GLCE: variants seen among roughly 807,000 people sequenced by gnomAD.
GLCE encodes the protein D-glucuronyl C5-epimerase.
In GLCE, 19 loss-of-function variants were observed where a neutral mutation model predicts 47.9. The ratio of observed to expected loss-of-function variants is 0.40; its 90% CI spans 0.28 to 0.58. The LOEUF is 0.58. GLCE is among the 20% of genes least tolerant of loss of function. The pLI is 0.48. For synonymous variants in GLCE, 245 were observed against 263.4 expected (o/e 0.93, Z 0.68); for missense variants, 556 against 743.3 (o/e 0.75, Z 2.93).
chr15:69,189,728 A>G (rs972723134), intron 1 of GLCE, among the ~76,000 whole-genome samples: 7 of 151,886 alleles, frequency 4.6e-5, no homozygotes, highest in Non-Finnish European at 8.8e-5. Flanking sequence ...CTGCTCATCT[A>G]TCTTTTCTTT....
At chr15:69,164,490 A>G (rs2051473750) in intron 1 of GLCE, among the ~76,000 whole-genome samples, 2 of 150,368 alleles carry the variant, frequency 1.3e-5, no homozygotes, top group Non-Finnish European at 3.0e-5. Flanking sequence ...GCTTTAATAT[A>G]TACATATATG....
chr15:69,250,075 T>G (rs2052816417), intron 2 of GLCE, among the ~76,000 whole-genome samples: 1 of 152,196 alleles, frequency 6.6e-6, no homozygotes, highest in Admixed American at 6.5e-5. Flanking sequence ...TTTCAAGATT[T>G]TTTTTTAATT....
intron 1 of GLCE, among the ~76,000 whole-genome samples, chr15:69,182,084 AAGTG>A (rs988451262): frequency 1.3e-5 from 2 of 151,934 alleles, no homozygotes; most frequent in African/African-American, 4.8e-5. Flanking sequence ...CATAAGATAA[AAGTG>A]AGGATGAGAG....
chr15:69,250,770 A>G (rs1234080542), intron 2 of GLCE, among the ~76,000 whole-genome samples: 6 of 150,364 alleles, frequency 4.0e-5, no homozygotes, highest in Non-Finnish European at 8.9e-5. Flanking sequence ...AGTCCCAAGT[A>G]GCTGGGACTG....
chr15:69,211,953 G>A (rs1214729547), intron 2 of GLCE, among the ~76,000 whole-genome samples: 1 of 151,972 alleles, frequency 6.6e-6, no homozygotes, highest in Non-Finnish European at 1.5e-5. Context: ...TTTTAAAGGA[G>A]GGAATCTGGA....
intron 2 of GLCE, among the ~76,000 whole-genome samples, chr15:69,217,960 C>T (rs974242166): frequency 6.6e-6 from 1 of 150,748 alleles, no homozygotes; most frequent in Non-Finnish European, 1.5e-5. Flanking sequence ...TCGAGACCAA[C>T]CTGGCCAACA....
Position 69,268,820 on chromosome 15 carries a change from A to G in GLCE, c.1430A>G (p.Tyr477Cys), listed in dbSNP as rs1197981043. Residue 477 changes from tyrosine to cysteine, a missense_variant, in exon 5 of 5, where the codon TAT (tyrosine) becomes TGT (cysteine). Physicochemically the swap from Tyr to Cys is radical, Grantham distance 194. This residue lies in a region of GLCE where 245 missense variants were observed against 368.1 expected (regional missense o/e 0.67). Coordinates refer to ENST00000261858, the MANE Select transcript of GLCE (RefSeq NM_015554.3). Reference sequence around the variant, plus strand: ...TCAGCTTTAAGGGCAACAGCCCCTTATAAGTTTCTATCTGAGCAGCATGGA... The same window carrying G: ...TCAGCTTTAAGGGCAACAGCCCCTTGTAAGTTTCTATCTGAGCAGCATGGA... ...LNSALRATAP[Y>C]KFLSEQHGVK... is the part of the protein sequence containing the mutation. The G allele has an allele frequency of 4.3e-6, 7 of 1,614,094 alleles. No individual in the cohort carries two copies. Among genetic ancestry groups the G allele is most frequent in the African/African-American group, 1.3e-5 (1 of 74,942 alleles).
At chr15:69,230,214 A>T (rs1366303855) in intron 2 of GLCE, among the ~76,000 whole-genome samples, 4 of 15,884 alleles carry the variant, frequency 2.5e-4, no homozygotes, top group East Asian at 2.8e-3. Flanking sequence ...TCTCGATTTA[A>T]AAAAAAAAAA....
Position 69,191,509 on chromosome 15 carries a change from A to C in GLCE, c.-104-18807A>C, listed in dbSNP as rs573999336. Among the ~76,000 whole-genome samples the C allele has an allele frequency of 2.2e-4, 34 of 152,316 alleles. 1 individual carries two copies. In the South Asian group the frequency reaches 6.4e-3, roughly 29 times the overall value. On this transcript the variant is annotated intron_variant, in intron 1 of 4. Coordinates refer to ENST00000261858, the MANE Select transcript of GLCE (RefSeq NM_015554.3). ...ACACGAATCTTCTCCCAGTGGAATC[A>C]TGCAGGATACATTTAATTTAACAAT...
At chr15:69,172,922 G>A (rs2051609541) in intron 1 of GLCE, among the ~76,000 whole-genome samples, 1 of 152,224 alleles carries the variant, frequency 6.6e-6, no homozygotes, top group African/African-American at 2.4e-5. Flanking sequence ...TATATTTGGT[G>A]TGTAAATATT....
chr15:69,209,530 A>G (rs1033859250), intron 1 of GLCE, among the ~76,000 whole-genome samples: 1 of 152,070 alleles, frequency 6.6e-6, no homozygotes, highest in Non-Finnish European at 1.5e-5. Flanking sequence ...TGTACCACCC[A>G]TTGCCAGTCT....
chr15:69,205,562 T>G (rs964364312), intron 1 of GLCE, among the ~76,000 whole-genome samples: 1 of 152,122 alleles, frequency 6.6e-6, no homozygotes, highest in Non-Finnish European at 1.5e-5. Flanking sequence ...GTCAAGAAAT[T>G]GACAAACTGT....
At chr15:69,176,552 A>T (rs1024813748) in intron 1 of GLCE, among the ~76,000 whole-genome samples, 5 of 152,028 alleles carry the variant, frequency 3.3e-5, no homozygotes, top group African/African-American at 1.2e-4. Context: ...TTCCTCAAAC[A>T]TCTATATGGC....
At chr15:69,171,221 GAC>G (rs2051583309) in intron 1 of GLCE, among the ~76,000 whole-genome samples, 1 of 151,718 alleles carries the variant, frequency 6.6e-6, no homozygotes, top group Non-Finnish European at 1.5e-5. Context: ...AATATTTTAA[GAC>G]AGTTTTTCAT....
intron 1 of GLCE, among the ~76,000 whole-genome samples, chr15:69,178,701 T>G (rs574635007): frequency 6.6e-6 from 1 of 152,168 alleles, no homozygotes; most frequent in African/African-American, 2.4e-5. Flanking sequence ...ATCACTGTTA[T>G]ATACTGTAGG....
At chr15:69,193,406 A>G (rs1429188644) in intron 1 of GLCE, among the ~76,000 whole-genome samples, 1 of 152,086 alleles carries the variant, frequency 6.6e-6, no homozygotes, top group South Asian at 2.1e-4. Context: ...TAAACATTGC[A>G]TACTTTTCCA....
chr15:69,248,741 C>G (rs1437249738), intron 2 of GLCE, among the ~76,000 whole-genome samples: 1 of 152,114 alleles, frequency 6.6e-6, no homozygotes, highest in East Asian at 1.9e-4. Context: ...GCTGGGACAA[C>G]AGGTGCGCAC....
At chr15:69,169,760 G>A (rs1032173160) in intron 1 of GLCE, among the ~76,000 whole-genome samples, 6 of 152,038 alleles carry the variant, frequency 3.9e-5, no homozygotes, top group African/African-American at 1.4e-4. Flanking sequence ...TCCATGGTGT[G>A]TATGTGCCAC....
intron 2 of GLCE, among the ~76,000 whole-genome samples, chr15:69,237,851 T>A (rs1327716831): frequency 2.6e-5 from 4 of 152,200 alleles, no homozygotes; most frequent in Non-Finnish European, 5.9e-5. Flanking sequence ...CATTAAGTTT[T>A]CTTTTTCTTG....
Sources: gnomAD v4.1 joint callset for allele counts (sites outside exome capture counted in the v4.1 genomes callset) on GRCh38, gnomAD v4.1.1 for gene constraint, gnomAD v4.1.1 regional missense constraint, MANE v1.5 for transcripts, NCBI Gene and HGNC (gene_info 2026-07-23, HGNC 2026-07-21) for gene names.